Variants in EDEM1 observed in about 807,000 individuals in gnomAD.
The protein encoded by EDEM1 is ER degradation enhancing alpha-mannosidase like protein 1.
EDEM1 carries 67 observed loss-of-function variants against 74.4 expected under a neutral mutation model. The observed-to-expected ratio is 0.90, with a 90% CI of 0.74 to 1.10. EDEM1 has a LOEUF of 1.10. Ranked by LOEUF, EDEM1 falls within the 50% of genes least tolerant of loss-of-function variation. The probability of loss-of-function intolerance (pLI) is 0.00; values close to 1 mark genes in which losing one functional copy is unlikely to be tolerated. For synonymous variants in EDEM1, 382 were observed against 335.9 expected (o/e 1.14, Z -1.50); for missense variants, 926 against 851.6 (o/e 1.09, Z -1.09).
intron 2 of EDEM1, 72 bp downstream of exon 2, chr3:5,195,353 C>A: frequency 1.1e-6 from 1 of 891,406 alleles, no homozygotes; most frequent in Non-Finnish European, 1.6e-6. Flanking sequence ...TTCCCTCCAG[C>A]AGTGGGAATT....
Position 5,205,070 on chromosome 3 carries a change from A to G in EDEM1, c.1046A>G (p.Asn349Ser), listed in dbSNP as rs1268894486. 6.2e-7 allele frequency: 1 copy of G among 1,613,334 alleles called. No individual in the cohort carries two copies. Among genetic ancestry groups the G allele is most frequent in the Non-Finnish European group, 8.5e-7 (1 of 1,179,750 alleles). ...LRSNDTGLLG[N>S]VVNIQTGHWV... The stretch of plus-strand genomic sequence containing the variant: ...AGTGCCTTGTTTATTTTTGCAGGCA[A>G]TGTCGTGAACATTCAGACGGGCCAC... The change falls in exon 6 of 12, where the codon AAT (asparagine) becomes AGT (serine). Residue 349 changes from asparagine to serine, a missense_variant. Transcript: ENST00000256497.
intron 10 of EDEM1, among the ~76,000 whole-genome samples, chr3:5,212,335 G>C (rs573130535): frequency 2.0e-5 from 3 of 152,208 alleles, no homozygotes; most frequent in Non-Finnish European, 4.4e-5. Flanking sequence ...TCCTGCTGTC[G>C]ATTCCTGTGT....
At position 5,218,944 on chromosome 3, in the gene EDEM1, G is replaced by C. The variant is rs944693743; in HGVS notation, c.*3026G>C. 1 of 151,976 alleles carries C rather than the reference G, an allele frequency of 6.6e-6. No homozygotes were observed. The highest frequency in any genetic ancestry group is 2.4e-5 in the African/African-American group (1 of 41,368). The allele number at this position is 151,976 out of a possible 1,614,324, so 9.4% of individuals were successfully genotyped here. A position where few individuals can be genotyped will look rare whatever the true frequency, so the allele number is the denominator to read the frequency against. On this transcript the variant is annotated 3_prime_UTR_variant, in exon 12 of 12. Coordinates refer to ENST00000256497, the MANE Select transcript of EDEM1 (RefSeq NM_014674.3). Reference sequence around the variant, plus strand: ...TTGTTTTAGATCATGGACTGTGCACGTGACACTTAAATAATTTTCTATGTA... The same window carrying C: ...TTGTTTTAGATCATGGACTGTGCACCTGACACTTAAATAATTTTCTATGTA...
rs751181724 is a variant in EDEM1, at chr3:5,187,924, G to A, written c.119G>A (p.Ser40Asn). ...SMGFYQRFPL[S>N]FGFQRLRSPD... Reference sequence around the variant, plus strand: ...GGCTTCTACCAGCGCTTTCCGCTCAGCTTCGGCTTCCAGCGTCTGAGGAGC... The same window carrying A: ...GGCTTCTACCAGCGCTTTCCGCTCAACTTCGGCTTCCAGCGTCTGAGGAGC... The change falls in exon 1 of 12, where the codon AGC (serine) becomes AAC (asparagine). Residue 40 changes from serine (S) to asparagine (N), a missense_variant. Coordinates refer to ENST00000256497, the MANE Select transcript of EDEM1 (RefSeq NM_014674.3). The A allele has an allele frequency of 1.3e-6, 2 of 1,592,206 alleles. No homozygotes were observed. The highest frequency in any genetic ancestry group is 8.5e-7 in the Non-Finnish European group (1 of 1,172,242).
At position 5,210,350 on chromosome 3, in the gene EDEM1, G is replaced by T; in HGVS notation, c.1583+102G>T. 3.7e-6 allele frequency: 4 copies of T among 1,091,264 alleles called. No homozygotes were observed. In the South Asian group the frequency reaches 5.5e-5, roughly 15 times the overall value. The allele number at this position is 1,091,264 out of a possible 1,614,324, so 67.6% of individuals were successfully genotyped here. ...GTTTGCATTTTAATTTATAGAACCA[G>T]GTCATTAATGTTACATTTACAGGGA... On this transcript the variant is annotated intron_variant, in intron 9 of 11. Transcript: ENST00000256497.
At position 5,216,024 on chromosome 3, in the gene EDEM1, G is replaced by T. The variant is rs1384171030; in HGVS notation, c.*106G>T. 1 of 898,862 alleles carries T rather than the reference G, an allele frequency of 1.1e-6. No homozygotes were observed. Among genetic ancestry groups the T allele is most frequent in the Non-Finnish European group, 1.7e-6 (1 of 578,646 alleles). The allele number at this position is 898,862 out of a possible 1,614,324, so 55.7% of individuals were successfully genotyped here. Reference sequence around the variant, plus strand: ...AGGGGACAGAAGTCTTGCTGTCCATGGTGGTGTAGGAATTTCTGTGCAACA... The same window carrying T: ...AGGGGACAGAAGTCTTGCTGTCCATTGTGGTGTAGGAATTTCTGTGCAACA... On this transcript the variant is annotated 3_prime_UTR_variant, in exon 12 of 12. Coordinates refer to ENST00000256497, the MANE Select transcript of EDEM1 (RefSeq NM_014674.3).
Position 5,216,056 on chromosome 3 carries a change from C to T in EDEM1, c.*138C>T, listed in dbSNP as rs2055231244. ...TAGGAATTTCTGTGCAACACCTCAC[C>T]ACGTCTGGTTAATCCTTGCACACTT... On this transcript the variant is annotated 3_prime_UTR_variant, in exon 12 of 12. Coordinates refer to ENST00000256497, the MANE Select transcript of EDEM1 (RefSeq NM_014674.3). The T allele has an allele frequency of 1.5e-6, 1 of 650,814 alleles. No individual in the cohort carries two copies. The highest frequency in any genetic ancestry group is 2.7e-6 in the Non-Finnish European group (1 of 376,912). The allele number at this position is 650,814 out of a possible 1,614,324, so 40.3% of individuals were successfully genotyped here. A position where few individuals can be genotyped will look rare whatever the true frequency, so the allele number is the denominator to read the frequency against.
At chr3:5,196,956 GTC>G (rs1375200498) in intron 2 of EDEM1, among the ~76,000 whole-genome samples, 1 of 146,220 alleles carries the variant, frequency 6.8e-6, no homozygotes, top group East Asian at 2.0e-4. Context: ...TTTTGAGAGA[GTC>G]TCGCTCTGCC....
In EDEM1 at chr3:5,213,306, C is replaced by G; in HGVS notation, c.1681-13C>G. 1 of 1,608,792 alleles carries G rather than the reference C, an allele frequency of 6.2e-7. No homozygotes were observed. Among genetic ancestry groups the G allele is most frequent in the Non-Finnish European group, 8.5e-7 (1 of 1,177,034 alleles). Reference sequence around the variant, plus strand: ...ACAATTATTGGTTGTATCTTTTTCTCCGTTCCCTCTAGCTGTTTGATGAAG... The same window carrying G: ...ACAATTATTGGTTGTATCTTTTTCTGCGTTCCCTCTAGCTGTTTGATGAAG... On this transcript the variant is annotated splice_polypyrimidine_tract_variant and intron_variant, in intron 10 of 11. Transcript: ENST00000256497.
At chr3:5,204,409 C>T (rs2055070847) in intron 5 of EDEM1, among the ~76,000 whole-genome samples, 1 of 151,756 alleles carries the variant, frequency 6.6e-6, no homozygotes, top group Admixed American at 6.6e-5. Context: ...GGTCTCCCTC[C>T]ATCACCCAGG....
chr3:5,188,690 G>T (rs990970591), intron 1 of EDEM1, among the ~76,000 whole-genome samples: 1 of 152,278 alleles, frequency 6.6e-6, no homozygotes, highest in East Asian at 1.9e-4. Context: ...AACTCTAAAT[G>T]AAATCTCCAT....
At chr3:5,194,839 G>A (rs780989439) in intron 1 of EDEM1, among the ~76,000 whole-genome samples, 1 of 152,230 alleles carries the variant, frequency 6.6e-6, no homozygotes, top group South Asian at 2.1e-4. Context: ...GTATGACAAG[G>A]GCTCTTCTTT....
chr3:5,215,231 CA>C lies in EDEM1; in HGVS notation c.1885-597del, dbSNP rs573036834. 2.2e-5 allele frequency among the ~76,000 whole-genome samples: 3 copies of C among 137,930 alleles called. No individual in the cohort carries two copies. In the South Asian group the frequency reaches 6.5e-4, roughly 30 times the overall value. The allele number at this position is 137,930 out of a possible 152,430, so 90.5% of individuals were successfully genotyped here. ...ATGAATGTATTTAGACAACTGCTTC[CA>C]GGGATGTCACAGTTGGTTAGTTCTC... On this transcript the variant is annotated intron_variant, in intron 11 of 11. Coordinates refer to ENST00000256497, the MANE Select transcript of EDEM1 (RefSeq NM_014674.3).
chr3:5,213,663 T>G lies in EDEM1; in HGVS notation c.1884+141T>G. On this transcript the variant is annotated intron_variant, in intron 11 of 11. Coordinates refer to ENST00000256497, the MANE Select transcript of EDEM1 (RefSeq NM_014674.3). Reference sequence around the variant, plus strand: ...TGAAAACACCTCCTAAAGACACCATTTACATAGCTGTTGTCAGGGTATAGG... The same window carrying G: ...TGAAAACACCTCCTAAAGACACCATGTACATAGCTGTTGTCAGGGTATAGG... 3.7e-6 allele frequency: 3 copies of G among 800,942 alleles called. 1 individual carries two copies. Among genetic ancestry groups the G allele is most frequent in the Non-Finnish European group, 5.9e-6 (3 of 510,824 alleles). The allele number at this position is 800,942 out of a possible 1,614,324, so 49.6% of individuals were successfully genotyped here.
chr3:5,201,950 T>C, intron 4 of EDEM1, 26 bp downstream of exon 4: 2 of 1,582,334 alleles, frequency 1.3e-6, no homozygotes, highest in Non-Finnish European at 1.7e-6. Context: ...TGACCCTTTG[T>C]GTTTGACAAT....
rs2055230898 is a variant in EDEM1, at chr3:5,216,036, A to G, written c.*118A>G. On this transcript the variant is annotated 3_prime_UTR_variant, in exon 12 of 12. Transcript: ENST00000256497. ...TCTTGCTGTCCATGGTGGTGTAGGA[A>G]TTTCTGTGCAACACCTCACCACGTC... 2 of 783,598 alleles carry G rather than the reference A, an allele frequency of 2.6e-6. No individual in the cohort carries two copies. Among genetic ancestry groups the G allele is most frequent in the African/African-American group, 3.5e-5 (2 of 57,154 alleles). 48.5% of individuals were successfully genotyped at this position (783,598 alleles called of 1,614,324 possible).
At position 5,207,590 on chromosome 3, in the gene EDEM1, T is replaced by G. The variant is rs536285051; in HGVS notation, c.1338+317T>G. ...GGCGCAATCTTGGCTCACTGCAACC[T>G]CCGCCTCCTGGGTTCAAGAGATTCT... On this transcript the variant is annotated intron_variant, in intron 7 of 11. Transcript: ENST00000256497. Among the ~76,000 whole-genome samples the G allele has an allele frequency of 2.1e-3, 317 of 152,318 alleles. 3 individuals carry two copies. The highest frequency in any genetic ancestry group is 2.5e-3 in the Non-Finnish European group (170 of 68,038).
Position 5,215,928 on chromosome 3 carries a change from T to C in EDEM1, c.*10T>C. 1 of 1,609,760 alleles carries C rather than the reference T, an allele frequency of 6.2e-7. No individual in the cohort carries two copies. Among genetic ancestry groups the C allele is most frequent in the South Asian group, 1.1e-5 (1 of 90,222 alleles). ...GGTTGGTTTGATTTGATCTGCTCTC[T>C]GTGAGGCCTCATCTTGAACCAGACC... On this transcript the variant is annotated 3_prime_UTR_variant, in exon 12 of 12. Transcript: ENST00000256497.
chr3:5,216,143 A>C lies in EDEM1; in HGVS notation c.*225A>C. 1 of 527,754 alleles carries C rather than the reference A, an allele frequency of 1.9e-6. No individual in the cohort carries two copies. The highest frequency in any genetic ancestry group is 3.3e-6 in the Non-Finnish European group (1 of 303,814). 32.7% of individuals were successfully genotyped at this position (527,754 alleles called of 1,614,324 possible). A position where few individuals can be genotyped will look rare whatever the true frequency, so the allele number is the denominator to read the frequency against. On this transcript the variant is annotated 3_prime_UTR_variant, in exon 12 of 12. Coordinates refer to ENST00000256497, the MANE Select transcript of EDEM1 (RefSeq NM_014674.3). ...AGGATATAATTTGAAGTGAGAAGAT[A>C]CATGGAAATTGCCCTCTTATGACAT...
Sources: gnomAD v4.1 joint callset for allele counts (sites outside exome capture counted in the v4.1 genomes callset) on GRCh38, gnomAD v4.1.1 for gene constraint, MANE v1.5 for transcripts, NCBI Gene and HGNC (gene_info 2026-07-23, HGNC 2026-07-21) for gene names.